The following FRMD3 variants were observed in gnomAD, a reference collection of about 807,000 sequenced individuals.
FRMD3 encodes the protein FERM domain-containing protein 3.
A neutral mutation model predicts 70.2 loss-of-function variants in FRMD3; 33 were observed. That is an observed-to-expected ratio of 0.47 (90% CI 0.36 to 0.63). The LOEUF is 0.63. Among genes scored for constraint, FRMD3 ranks in the 20% least tolerant of loss-of-function variants. The probability of loss-of-function intolerance (pLI) is 0.00; values close to 1 mark genes in which losing one functional copy is unlikely to be tolerated. For missense variants in FRMD3, 632 were observed against 711.4 expected, an observed-to-expected ratio of 0.89 and a Z score of 1.27; for synonymous variants, 279 against 255.9, an observed-to-expected ratio of 1.09 and a Z score of -0.86.
At chr9:83,562,282 T>C in the FRMD3 span, among the ~76,000 whole-genome samples, 4 of 152,288 alleles carry the variant, frequency 2.6e-5, no homozygotes, top group African/African-American at 9.6e-5. Context: ...TACTTGAAAT[T>C]TGTTGCCAAT....
At chr9:83,344,655 A>T (rs934667914) in intron 4 of FRMD3, among the ~76,000 whole-genome samples, 1 of 152,120 alleles carries the variant, frequency 6.6e-6, no homozygotes, top group African/African-American at 2.4e-5. Context: ...AATCTACACC[A>T]TTGACTCTCT....
At chr9:83,378,821 T>TATATATATACTA (rs1381212514) in intron 2 of FRMD3, among the ~76,000 whole-genome samples, 18 of 125,018 alleles carry the variant, frequency 1.4e-4, no homozygotes, top group African/African-American at 6.7e-4. Context: ...TATATAAATT[T>TATATATATACTA]TATATAAATA....
At chr9:83,436,458 A>ATATGTGTGTGTGTGTG (rs1491385024) in intron 1 of FRMD3, among the ~76,000 whole-genome samples, 37 of 144,660 alleles carry the variant, frequency 2.6e-4, no homozygotes, top group African/African-American at 8.5e-4. Context: ...AATTAATAAG[A>ATATGTGTGTGTGTGTG]TGTGTGTGTG....
intron 3 of FRMD3, among the ~76,000 whole-genome samples, chr9:83,351,694 TA>T (rs984218527): frequency 2.0e-5 from 3 of 149,722 alleles, no homozygotes; most frequent in Admixed American, 2.0e-4. Context: ...ACATGATAGA[TA>T]GATAGATAGA....
intron 1 of FRMD3, among the ~76,000 whole-genome samples, chr9:83,406,298 T>C (rs1826102321): frequency 6.6e-6 from 1 of 152,194 alleles, no homozygotes; most frequent in Non-Finnish European, 1.5e-5. Flanking sequence ...CCCATCATCA[T>C]GGCCACAAGT....
At chr9:83,447,303 G>T (rs774002953) in intron 1 of FRMD3, among the ~76,000 whole-genome samples, 1 of 152,178 alleles carries the variant, frequency 6.6e-6, no homozygotes, top group Non-Finnish European at 1.5e-5. Flanking sequence ...GATTACAGGC[G>T]TGAGCCACCG....
At chr9:83,567,099 C>T in the FRMD3 span, among the ~76,000 whole-genome samples, 1 of 152,248 alleles carries the variant, frequency 6.6e-6, no homozygotes, top group Non-Finnish European at 1.5e-5. Flanking sequence ...CATTTCCATA[C>T]ATCTTCTGAA....
At chr9:83,395,585 T>C (rs1166652589) in intron 1 of FRMD3, among the ~76,000 whole-genome samples, 1 of 152,212 alleles carries the variant, frequency 6.6e-6, no homozygotes, top group Non-Finnish European at 1.5e-5. Flanking sequence ...AGGTGGTATT[T>C]GGTTTTCTGT....
chr9:83,304,172 T>C (rs1277887225), intron 10 of FRMD3, among the ~76,000 whole-genome samples: 1 of 152,218 alleles, frequency 6.6e-6, no homozygotes, highest in Non-Finnish European at 1.5e-5. Flanking sequence ...ACTTTTTGGC[T>C]ATTACGACTA....
intron 3 of FRMD3, among the ~76,000 whole-genome samples, chr9:83,357,302 ATTTTCT>A (rs1276451389): frequency 2.8e-5 from 3 of 109,008 alleles, no homozygotes; most frequent in African/African-American, 1.0e-4. Flanking sequence ...TATATAAAAC[ATTTTCT>A]TTATCCACTC....
chr9:83,283,374 C>CA (rs1249607487), intron 13 of FRMD3, among the ~76,000 whole-genome samples: 4 of 151,618 alleles, frequency 2.6e-5, no homozygotes, highest in Non-Finnish European at 4.4e-5. Context: ...ACAAAAAATA[C>CA]AAAAAAATTA....
At chr9:83,377,148 T>C (rs137940599) in intron 2 of FRMD3, among the ~76,000 whole-genome samples, 120 of 152,262 alleles carry the variant, frequency 7.9e-4, no homozygotes, top group African/African-American at 2.8e-3. Context: ...CAGCCAGAAA[T>C]TGGGAAAGTT....
At chr9:83,295,472 G>T (rs561548083) in intron 12 of FRMD3, among the ~76,000 whole-genome samples, 2 of 152,142 alleles carry the variant, frequency 1.3e-5, no homozygotes, top group African/African-American at 4.8e-5. Flanking sequence ...ATAAGAGATG[G>T]TAGTAATATT....
chr9:83,402,898 C>CTTTTTTT (rs559570925), intron 1 of FRMD3, among the ~76,000 whole-genome samples: 88 of 87,272 alleles, frequency 1.0e-3, no homozygotes, highest in East Asian at 2.4e-3. Flanking sequence ...TTCTTTCTTT[C>CTTTTTTT]TTTTTTTTTT....
intron 12 of FRMD3, among the ~76,000 whole-genome samples, chr9:83,292,004 T>C (rs1360037666): frequency 1.3e-5 from 2 of 152,164 alleles, no homozygotes; most frequent in South Asian, 2.1e-4. Flanking sequence ...AGTCCTTTTC[T>C]TCATTATTTC....
At chr9:83,557,986 G>A in the FRMD3 span, among the ~76,000 whole-genome samples, 1 of 152,146 alleles carries the variant, frequency 6.6e-6, no homozygotes, top group Non-Finnish European at 1.5e-5. Context: ...CAAAATACAA[G>A]CTCTTGGGGT....
chr9:83,425,229 A>C (rs192749016), intron 1 of FRMD3, among the ~76,000 whole-genome samples: 1 of 152,352 alleles, frequency 6.6e-6, no homozygotes, highest in Admixed American at 6.5e-5. Context: ...ATGTAGATAT[A>C]TATCCTAGAT....
At chr9:83,503,168 T>C (rs1211360955) in intron 1 of FRMD3, among the ~76,000 whole-genome samples, 1 of 152,196 alleles carries the variant, frequency 6.6e-6, no homozygotes, top group Non-Finnish European at 1.5e-5. Context: ...ATGATTGTGC[T>C]ATGTTGCATG....
chr9:83,411,917 T>C (rs759186543), intron 1 of FRMD3, among the ~76,000 whole-genome samples: 1 of 152,242 alleles, frequency 6.6e-6, no homozygotes, highest in Non-Finnish European at 1.5e-5. Flanking sequence ...TCAGTCTGCA[T>C]AGAATTGGAC....
Sources: gnomAD v4.1 joint callset for allele counts (sites outside exome capture counted in the v4.1 genomes callset) on GRCh38, gnomAD v4.1.1 for gene constraint, MANE v1.5 for transcripts, NCBI Gene and HGNC (gene_info 2026-07-23, HGNC 2026-07-21) for gene names.